ARHGAP15: variants seen among roughly 807,000 people sequenced by gnomAD.
ARHGAP15 encodes rho GTPase-activating protein 15.
In ARHGAP15, 51 loss-of-function variants were observed where a neutral mutation model predicts 63.7. That is an observed-to-expected ratio of 0.80 (90% CI 0.64 to 1.01). The LOEUF (loss-of-function observed/expected upper bound fraction) is 1.01, where lower values mean the gene tolerates loss of function less well. Ranked by LOEUF, ARHGAP15 falls within the 50% of genes least tolerant of loss-of-function variation. ARHGAP15 has a pLI of 0.00. For missense variants in ARHGAP15, 560 were observed against 564.6 expected (o/e 0.99, Z 0.08); for synonymous variants, 191 against 193.8 (o/e 0.99, Z 0.12).
At chr2:143,225,495 G>A (rs939602365) in intron 4 of ARHGAP15, among the ~76,000 whole-genome samples, 1 of 152,146 alleles carries the variant, frequency 6.6e-6, no homozygotes, top group African/African-American at 2.4e-5. Flanking sequence ...CAGCTACTGG[G>A]GAGGCTGAGG....
chr2:143,156,929 C>G (rs1690104256), intron 2 of ARHGAP15, among the ~76,000 whole-genome samples: 2 of 151,916 alleles, frequency 1.3e-5, no homozygotes, highest in Non-Finnish European at 1.5e-5. Context: ...TTATTGGAAT[C>G]TCTATAATGT....
At chr2:143,544,778 C>T (rs965745447) in intron 10 of ARHGAP15, among the ~76,000 whole-genome samples, 1 of 152,174 alleles carries the variant, frequency 6.6e-6, no homozygotes, top group African/African-American at 2.4e-5. Context: ...TCTGTTCTTC[C>T]ATTTAATCAC....
chr2:143,712,967 A>G (rs916784908), intron 13 of ARHGAP15, among the ~76,000 whole-genome samples: 15 of 152,220 alleles, frequency 9.9e-5, no homozygotes, highest in African/African-American at 3.4e-4. Context: ...GATTCCTGCT[A>G]TATCCCCTAG....
intron 13 of ARHGAP15, among the ~76,000 whole-genome samples, chr2:143,734,959 G>A (rs1051080913): frequency 9.9e-5 from 15 of 152,224 alleles, no homozygotes; most frequent in East Asian, 1.9e-4. Flanking sequence ...CTGAAATGTC[G>A]TGTCCTCTCT....
At chr2:143,397,276 CAAGA>C (rs1388796365) in intron 6 of ARHGAP15, among the ~76,000 whole-genome samples, 3 of 150,460 alleles carry the variant, frequency 2.0e-5, no homozygotes, top group Admixed American at 6.6e-5. Context: ...ATAAGAATGA[CAAGA>C]AAGACAAATA....
chr2:143,239,585 C>T (rs965835902), intron 5 of ARHGAP15, among the ~76,000 whole-genome samples: 2 of 152,202 alleles, frequency 1.3e-5, no homozygotes, highest in Admixed American at 6.5e-5. Context: ...TTCCAAACCA[C>T]TCATTCAGCC....
chr2:143,458,994 G>A (rs1690792549), intron 8 of ARHGAP15, among the ~76,000 whole-genome samples: 1 of 152,054 alleles, frequency 6.6e-6, no homozygotes, highest in Non-Finnish European at 1.5e-5. Flanking sequence ...TAGTCTCAGT[G>A]AGGTCATGCT....
chr2:143,487,357 T>C lies in ARHGAP15; in HGVS notation c.704-16T>C. The C allele has an allele frequency of 5.7e-6, 9 of 1,588,946 alleles. No homozygotes were observed. Among genetic ancestry groups the C allele is most frequent in the Non-Finnish European group, 7.7e-6 (9 of 1,172,880 alleles). ...GAGAAATTTACCAAAAGCCTCTGAT[T>C]TTTTTAAATCTTCAGTGTTCAGACT... On this transcript the variant is annotated splice_polypyrimidine_tract_variant and intron_variant, in intron 8 of 13. Coordinates refer to ENST00000295095, the MANE Select transcript of ARHGAP15 (RefSeq NM_018460.4).
intron 6 of ARHGAP15, among the ~76,000 whole-genome samples, chr2:143,357,497 T>G (rs905363020): frequency 1.3e-5 from 2 of 152,208 alleles, no homozygotes; most frequent in African/African-American, 4.8e-5. Flanking sequence ...TCTTGATTCC[T>G]GAACCCAAAG....
rs1443681618 is a variant in ARHGAP15, at chr2:143,336,305, G to T, written c.474+85705G>T. ...ACCACTGAAGGGCATACCTCTATAAGGGGAGAGGCAGATGAGTGATAGAGA... is the reference window on the plus strand; with the variant it reads ...ACCACTGAAGGGCATACCTCTATAATGGGAGAGGCAGATGAGTGATAGAGA... On this transcript the variant is annotated intron_variant, in intron 6 of 13. Transcript: ENST00000295095. 3.9e-5 allele frequency among the ~76,000 whole-genome samples: 6 copies of T among 152,154 alleles called. 1 individual carries two copies. Among genetic ancestry groups the T allele is most frequent in the Admixed American group, 3.3e-4 (5 of 15,264 alleles).
At chr2:143,221,177 A>G (rs1692981888) in intron 4 of ARHGAP15, among the ~76,000 whole-genome samples, 1 of 152,142 alleles carries the variant, frequency 6.6e-6, no homozygotes, top group Non-Finnish European at 1.5e-5. Flanking sequence ...TTTTCTACTT[A>G]TAAATCCATA....
chr2:143,383,510 C>G (rs1441604607), intron 6 of ARHGAP15, among the ~76,000 whole-genome samples: 10 of 152,142 alleles, frequency 6.6e-5, no homozygotes, highest in Admixed American at 6.6e-4. Flanking sequence ...CAAATCGTCT[C>G]TCTCGGAAGT....
intron 1 of ARHGAP15, among the ~76,000 whole-genome samples, chr2:143,130,925 T>C (rs1475667103): frequency 3.3e-5 from 5 of 152,186 alleles, no homozygotes; most frequent in African/African-American, 1.2e-4. Context: ...GGTTGATATG[T>C]TATTACTTTC....
At chr2:143,364,175 A>C (rs747525021) in intron 6 of ARHGAP15, among the ~76,000 whole-genome samples, 7 of 151,788 alleles carry the variant, frequency 4.6e-5, no homozygotes, top group Non-Finnish European at 1.0e-4. Context: ...CAGAGAGGAA[A>C]CAGTAGCAAA....
At chr2:143,461,472 A>G (rs1690938154) in intron 8 of ARHGAP15, among the ~76,000 whole-genome samples, 2 of 152,140 alleles carry the variant, frequency 1.3e-5, no homozygotes. Flanking sequence ...GAGCACAGAT[A>G]TTAACATTTC....
chr2:143,483,303 C>A (rs1057266592), intron 8 of ARHGAP15, among the ~76,000 whole-genome samples: 1 of 152,046 alleles, frequency 6.6e-6, no homozygotes, highest in Non-Finnish European at 1.5e-5. Context: ...CATAATCTAG[C>A]ATTTATACGT....
intron 6 of ARHGAP15, among the ~76,000 whole-genome samples, chr2:143,308,249 T>TA (rs1417824860): frequency 6.6e-6 from 1 of 152,054 alleles, no homozygotes; most frequent in African/African-American, 2.4e-5. Context: ...ATTTCTGTCT[T>TA]AGAGTTTCAT....
intron 11 of ARHGAP15, among the ~76,000 whole-genome samples, chr2:143,572,675 G>A (rs1229458764): frequency 6.6e-6 from 1 of 152,052 alleles, no homozygotes; most frequent in Non-Finnish European, 1.5e-5. Context: ...GGCTTACCTG[G>A]AATTTTCTTT....
At chr2:143,189,194 T>C (rs1195800667) in intron 2 of ARHGAP15, among the ~76,000 whole-genome samples, 2 of 152,204 alleles carry the variant, frequency 1.3e-5, no homozygotes, top group Non-Finnish European at 2.9e-5. Flanking sequence ...CGATTCTGAT[T>C]ACCAACTTTT....
Sources: allele counts gnomAD v4.1 joint callset (sites outside exome capture counted in the v4.1 genomes callset), GRCh38; gene constraint gnomAD v4.1.1; transcripts MANE v1.5; gene names NCBI Gene and HGNC (gene_info 2026-07-23, HGNC 2026-07-21).